DYNC1H1: variants seen among roughly 807,000 people sequenced by gnomAD.
DYNC1H1 encodes dynein cytoplasmic 1 heavy chain 1, also known as cytoplasmic dynein 1 heavy chain 1.
A neutral mutation model predicts 527.1 loss-of-function variants in DYNC1H1; 51 were observed. The observed-to-expected ratio is 0.10, with a 90% CI of 0.08 to 0.12. The LOEUF is 0.12. Among genes scored for constraint, DYNC1H1 ranks in the 10% least tolerant of loss-of-function variants. The pLI is 1.00. For missense variants in DYNC1H1, 2,771 were observed against 5,971.8 expected (o/e 0.46, Z 17.66); for synonymous variants, 2,189 against 2,278.8 (o/e 0.96, Z 1.12).
At position 102,053,606 on chromosome 14, in the gene DYNC1H1, G is replaced by C. The variant is rs1318775594; in HGVS notation, c.*3043G>C. 1 of 151,734 alleles carries C rather than the reference G, an allele frequency of 6.6e-6. No individual in the cohort carries two copies. The highest frequency in any genetic ancestry group is 6.6e-5 in the Admixed American group (1 of 15,188). 9.4% of individuals were successfully genotyped at this position (151,734 alleles called of 1,614,324 possible). A position where few individuals can be genotyped will look rare whatever the true frequency, so the allele number is the denominator to read the frequency against. On this transcript the variant is annotated 3_prime_UTR_variant, in exon 78 of 78. Transcript: ENST00000360184. ...TGGGACTACAGGCGCCCACCACCAAGCCCGGCTAATTTTTTGGATTTTTAG... is the reference window on the plus strand; with the variant it reads ...TGGGACTACAGGCGCCCACCACCAACCCCGGCTAATTTTTTGGATTTTTAG...
rs17512243 is a variant in DYNC1H1, at chr14:101,999,888, C to T, written c.3805-101C>T. 266 of 1,546,160 alleles carry T rather than the reference C, an allele frequency of 1.7e-4. No individual in the cohort carries two copies. The African/African-American group carries it at 3.2e-3, about 19-fold the overall frequency. ...GAAGATGTGTGCAAAGAATCCGAAACGTCCAGAAGCCCTGCAGGCTCTGTG... is the reference window on the plus strand; with the variant it reads ...GAAGATGTGTGCAAAGAATCCGAAATGTCCAGAAGCCCTGCAGGCTCTGTG... On this transcript the variant is annotated intron_variant, in intron 16 of 77. Transcript: ENST00000360184.
intron 43 of DYNC1H1, chr14:102,023,553 GA>G (rs1023975843): frequency 3.7e-4 from 56 of 152,344 alleles, no homozygotes; most frequent in Admixed American, 6.3e-4. Context: ...CTGTCTCAAA[GA>G]AAAAAAAAAT....
Position 102,029,348 on chromosome 14 carries a change from A to G in DYNC1H1, c.9469-191A>G, listed in dbSNP as rs2048484659. The G allele has an allele frequency of 3.1e-6, 2 of 654,000 alleles. No individual in the cohort carries two copies. The highest frequency in any genetic ancestry group is 2.7e-5 in the Admixed American group (1 of 36,676). The allele number at this position is 654,000 out of a possible 1,614,324, so 40.5% of individuals were successfully genotyped here. A position where few individuals can be genotyped will look rare whatever the true frequency, so the allele number is the denominator to read the frequency against. On this transcript the variant is annotated intron_variant, in intron 48 of 77. Transcript: ENST00000360184. This position sits in a 1 kb window ranked among gnomAD's most constrained non-coding sequence, Gnocchi z 5.3. The stretch of plus-strand genomic sequence containing the variant: ...AGTTTAGAGAAGTTAAAGGGCTTAG[A>G]GAGGTTTGGAAGTGTAAGGGGTATC...
In DYNC1H1 at chr14:102,036,510, C is replaced by T. The variant is rs2048577208; in HGVS notation, c.10776C>T (p.Pro3592=). Residue 3592 remains proline, a synonymous_variant, in exon 57 of 78, where the codon CCC becomes CCT. Coordinates refer to ENST00000360184, the MANE Select transcript of DYNC1H1 (RefSeq NM_001376.5). This position sits in a 1 kb window ranked among gnomAD's most constrained non-coding sequence, Gnocchi z 5.6. The part of the protein sequence containing the change: ...RFNRYPLIID[P]SGQATEFIMN... The stretch of plus-strand genomic sequence containing the variant: ...TCAGGTATCCGCTGATCATTGACCC[C>T]TCTGGACAGGCCACAGAATTCATTA... 2 of 1,613,938 alleles carry T rather than the reference C, an allele frequency of 1.2e-6. No individual in the cohort carries two copies. Among genetic ancestry groups the T allele is most frequent in the Non-Finnish European group, 1.7e-6 (2 of 1,179,984 alleles).
In DYNC1H1 at chr14:101,980,689, T is replaced by G. The variant is rs985259527; in HGVS notation, c.961+139T>G. 17 of 1,007,400 alleles carry G rather than the reference T, an allele frequency of 1.7e-5. No homozygotes were observed. The African/African-American group carries it at 2.8e-4, about 16-fold the overall frequency. 62.4% of individuals were successfully genotyped at this position (1,007,400 alleles called of 1,614,324 possible). ...ACCATTTCCTTTCTTACATCACATCTTATCTTTCCCTCAGTTCCAAGTAAT... is the reference window on the plus strand; with the variant it reads ...ACCATTTCCTTTCTTACATCACATCGTATCTTTCCCTCAGTTCCAAGTAAT... On this transcript the variant is annotated intron_variant, in intron 5 of 77. Coordinates refer to ENST00000360184, the MANE Select transcript of DYNC1H1 (RefSeq NM_001376.5).
rs1302490099 is a variant in DYNC1H1, at chr14:102,042,567, T to C, written c.12399+60T>C. The C allele has an allele frequency of 6.2e-7, 1 of 1,613,608 alleles. No individual in the cohort carries two copies. The highest frequency in any genetic ancestry group is 1.3e-5 in the African/African-American group (1 of 74,894). Reference sequence around the variant, plus strand: ...GGCCTGGCACTGTGCTGTCGGCACGTGTGTGGTGGAATTGAACAGGCGCCC... The same window carrying C: ...GGCCTGGCACTGTGCTGTCGGCACGCGTGTGGTGGAATTGAACAGGCGCCC... On this transcript the variant is annotated intron_variant, in intron 68 of 77. Coordinates refer to ENST00000360184, the MANE Select transcript of DYNC1H1 (RefSeq NM_001376.5). This position sits in a 1 kb window ranked among gnomAD's most constrained non-coding sequence, Gnocchi z 5.7.
Position 101,979,860 on chromosome 14 carries a change from T to G in DYNC1H1, c.660T>G (p.Cys220Trp). 1 of 1,614,176 alleles carries G rather than the reference T, an allele frequency of 6.2e-7. No homozygotes were observed. The highest frequency in any genetic ancestry group is 1.1e-5 in the South Asian group (1 of 91,086). ...TGATCACAAATGTTGCAAAACAGTG[T>G]TATGAGCGTGGAGAAAAGCCAAAAG... ...HPMITNVAKQCYERGEKPKVT... is the reference protein window; with the variant it reads ...HPMITNVAKQWYERGEKPKVT... The change falls in exon 4 of 78, where the codon TGT becomes TGG. Residue 220 changes from cysteine to tryptophan, a missense_variant. By Grantham distance (215) the Cys-to-Trp change is radical. Coordinates refer to ENST00000360184, the MANE Select transcript of DYNC1H1 (RefSeq NM_001376.5). The surrounding 1 kb of genome is among the most constrained non-coding windows in gnomAD (Gnocchi z 4.6).
rs1167019837 is a variant in DYNC1H1 at position 102,002,390 on chromosome 14, C to T, written c.4543-147C>T. On this transcript the variant is annotated intron_variant, in intron 21 of 77. Coordinates refer to ENST00000360184, the MANE Select transcript of DYNC1H1 (RefSeq NM_001376.5). This position sits in a 1 kb window ranked among gnomAD's most constrained non-coding sequence, Gnocchi z 4.4. Reference sequence around the variant, plus strand: ...CCTCCCAAAATGCTGGGATTACAGGCGTGAGCCACCACACCCGTCTACTTG... The same window carrying T: ...CCTCCCAAAATGCTGGGATTACAGGTGTGAGCCACCACACCCGTCTACTTG... The T allele has an allele frequency of 9.1e-6, 10 of 1,098,526 alleles. No individual in the cohort carries two copies. The highest frequency in any genetic ancestry group is 2.6e-5 in the South Asian group (2 of 77,218). The allele number at this position is 1,098,526 out of a possible 1,614,324, so 68.0% of individuals were successfully genotyped here.
At chr14:102,014,363 G>A (rs2048295349) in intron 34 of DYNC1H1, among the ~76,000 whole-genome samples, 1 of 152,038 alleles carries the variant, frequency 6.6e-6, no homozygotes, top group Non-Finnish European at 1.5e-5. Flanking sequence ...ATGAAACCCC[G>A]TCTCTACTAA....
rs2048601036 is a variant in DYNC1H1, at chr14:102,038,273, C to A, written c.10909-187C>A. ...GAATTACAGGCGTGAGCCACCGCAT[C>A]TGGCTGAGTTTTTAATTTTAGTTCA... On this transcript the variant is annotated intron_variant, in intron 57 of 77. Coordinates refer to ENST00000360184, the MANE Select transcript of DYNC1H1 (RefSeq NM_001376.5). The surrounding 1 kb of genome is among the most constrained non-coding windows in gnomAD (Gnocchi z 7.2). 4 of 997,908 alleles carry A rather than the reference C, an allele frequency of 4.0e-6. No individual in the cohort carries two copies. Among genetic ancestry groups the A allele is most frequent in the Admixed American group, 4.1e-5 (2 of 48,780 alleles). The allele number at this position is 997,908 out of a possible 1,614,324, so 61.8% of individuals were successfully genotyped here.
At chr14:101,981,990 G>T (rs1486225019) in intron 5 of DYNC1H1, among the ~76,000 whole-genome samples, 1 of 152,178 alleles carries the variant, frequency 6.6e-6, no homozygotes, top group Non-Finnish European at 1.5e-5. Flanking sequence ...CCAACCCCCA[G>T]ACTGGTACTG....
chr14:101,984,956 A>G (rs2047917010), intron 7 of DYNC1H1, among the ~76,000 whole-genome samples: 1 of 150,476 alleles, frequency 6.6e-6, no homozygotes, highest in South Asian at 2.1e-4. Flanking sequence ...AAAAAAAAAA[A>G]AGGAAAAGAA....
intron 73 of DYNC1H1, chr14:102,048,280 T>G (rs1330476419): frequency 1.4e-6 from 1 of 716,634 alleles, no homozygotes; most frequent in Non-Finnish European, 2.3e-6. Context: ...GCCGCAGCCC[T>G]TCCTCCCTAG....
At position 102,049,513 on chromosome 14, in the gene DYNC1H1, C is replaced by T. The variant is rs1197568157; in HGVS notation, c.13446C>T (p.Phe4482=). The T allele has an allele frequency of 8.7e-6, 14 of 1,614,068 alleles. No homozygotes were observed. Among genetic ancestry groups the T allele is most frequent in the Non-Finnish European group, 1.2e-5 (14 of 1,180,044 alleles). Residue 4482 remains phenylalanine (F), a synonymous_variant, in exon 75 of 78, where the codon TTC becomes TTT. Coordinates refer to ENST00000360184, the MANE Select transcript of DYNC1H1 (RefSeq NM_001376.5). The surrounding 1 kb of genome is among the most constrained non-coding windows in gnomAD (Gnocchi z 5.5). ...CCGTCATCCAGTGGGTGTCCGACTT[C>T]AGCGAGAGGATCAAACAGCTGCAGA... The part of the protein sequence containing the change: ...GMTVIQWVSD[F]SERIKQLQNI...
rs200903643 is a variant in DYNC1H1, at chr14:102,036,630, C to A, written c.10896C>A (p.Pro3632=). The A allele has an allele frequency of 1.6e-5, 26 of 1,613,974 alleles. No homozygotes were observed. Among genetic ancestry groups the A allele is most frequent in the Middle Eastern group, 1.6e-4 (1 of 6,082 alleles). Residue 3632 remains proline (P), a synonymous_variant, in exon 57 of 78, where the codon CCC becomes CCA. Transcript: ENST00000360184. The surrounding 1 kb of genome is among the most constrained non-coding windows in gnomAD (Gnocchi z 5.6). ...NLESALRFGN[P]LLVQDVESYD... Reference sequence around the variant, plus strand: ...AGAGTGCACTGAGATTCGGTAACCCCCTTCTGGTCCAGGTTGGTGTTGGCC... The same window carrying A: ...AGAGTGCACTGAGATTCGGTAACCCACTTCTGGTCCAGGTTGGTGTTGGCC...
At position 102,015,040 on chromosome 14, in the gene DYNC1H1, G is replaced by T; in HGVS notation, c.7015-65G>T. 6.3e-7 allele frequency: 1 copy of T among 1,581,340 alleles called. No homozygotes were observed. The highest frequency in any genetic ancestry group is 8.7e-7 in the Non-Finnish European group (1 of 1,151,360). ...CCTTTCAGTGTATATATAGGTAAAA[G>T]AATCTTAATGTCCAGGTTTCTTCCA... is the stretch of plus-strand genomic sequence containing the variant. On this transcript the variant is annotated intron_variant, in intron 34 of 77. Transcript: ENST00000360184. The surrounding 1 kb of genome is among the most constrained non-coding windows in gnomAD (Gnocchi z 6.9).
In DYNC1H1 at chr14:102,017,159, G is replaced by A. The variant is rs140949915; in HGVS notation, c.7920G>A (p.Glu2640=). 5.0e-6 allele frequency: 8 copies of A among 1,614,240 alleles called. No individual in the cohort carries two copies. Among genetic ancestry groups the A allele is most frequent in the African/African-American group, 1.3e-5 (1 of 75,056 alleles). The part of the protein sequence containing the change: ...LLLKTFDHYC[E]YRRTPNGVVL... ...TGAAGACTTTTGATCACTACTGCGA[G>A]TACAGGCGCACACCTAATGGGGTGG... Residue 2640 remains glutamate, a synonymous_variant, in exon 39 of 78, where the codon GAG becomes GAA. Coordinates refer to ENST00000360184, the MANE Select transcript of DYNC1H1 (RefSeq NM_001376.5). The surrounding 1 kb of genome is among the most constrained non-coding windows in gnomAD (Gnocchi z 4.6).
chr14:101,976,657 C>A (rs890320027), intron 2 of DYNC1H1, among the ~76,000 whole-genome samples: 3 of 151,948 alleles, frequency 2.0e-5, no homozygotes, highest in Non-Finnish European at 2.9e-5. Flanking sequence ...AATATAAATT[C>A]TAAAATACTG....
chr14:102,049,435 T>C lies in DYNC1H1; in HGVS notation c.13373-5T>C. The C allele has an allele frequency of 6.2e-7, 1 of 1,614,016 alleles. No individual in the cohort carries two copies. ...CACCCTGGGCTCTGTGTGCCTTGGCTGCAGGGATCTTGCCTCGGAGCTGGT... is the reference window on the plus strand; with the variant it reads ...CACCCTGGGCTCTGTGTGCCTTGGCCGCAGGGATCTTGCCTCGGAGCTGGT... On this transcript the variant is annotated splice_region_variant and splice_polypyrimidine_tract_variant and intron_variant, in intron 74 of 77. Transcript: ENST00000360184. This position sits in a 1 kb window ranked among gnomAD's most constrained non-coding sequence, Gnocchi z 5.5.
Sources: gnomAD v4.1 joint callset for allele counts (sites outside exome capture counted in the v4.1 genomes callset) on GRCh38, gnomAD v4.1.1 for gene constraint, Gnocchi (gnomAD v3.1) non-coding constraint, MANE v1.5 for transcripts, NCBI Gene and HGNC (gene_info 2026-07-23, HGNC 2026-07-21) for gene names.